YEATS4: variants seen among roughly 807,000 people sequenced by gnomAD.
The protein encoded by YEATS4 is YEATS domain-containing protein 4.
In YEATS4, 17 loss-of-function variants were observed where a neutral mutation model predicts 30.1. The ratio of observed to expected loss-of-function variants is 0.56; its 90% CI spans 0.39 to 0.85. The LOEUF (loss-of-function observed/expected upper bound fraction) is 0.85. Ranked by LOEUF, YEATS4 falls within the 40% of genes least tolerant of loss-of-function variation. YEATS4 has a pLI of 0.00. For missense variants in YEATS4, 142 were observed against 268.3 expected (o/e 0.53, Z 3.29); for synonymous variants, 85 against 87.5 (o/e 0.97, Z 0.16).
At chr12:69,363,664 A>G (rs906010145) in intron 2 of YEATS4, among the ~76,000 whole-genome samples, 2 of 152,236 alleles carry the variant, frequency 1.3e-5, no homozygotes, top group African/African-American at 2.4e-5. Flanking sequence ...CATAGCCAGT[A>G]CATAGTAGGC....
intron 4 of YEATS4, among the ~76,000 whole-genome samples, chr12:69,367,741 A>G (rs1403332766): frequency 6.6e-6 from 1 of 152,222 alleles, no homozygotes; most frequent in Non-Finnish European, 1.5e-5. Context: ...AAAATGAGAC[A>G]CTGACCTTAA....
intron 2 of YEATS4, among the ~76,000 whole-genome samples, chr12:69,365,169 G>A (rs1436993125): frequency 6.6e-6 from 1 of 151,884 alleles, no homozygotes; most frequent in Admixed American, 6.6e-5. Flanking sequence ...AGCAAAATAG[G>A]CCAGGTGCGG....
At chr12:69,360,237 G>A (rs634514) in intron 1 of YEATS4, among the ~76,000 whole-genome samples, 9,507 of 152,096 alleles carry the variant, frequency 0.063, 443 homozygotes, top group African/African-American at 0.13. Context: ...TCCCACCCCC[G>A]CCAAAAAACA....
rs532530786 is a variant in YEATS4, at chr12:69,359,893, G to C, written c.-80G>C. On this transcript the variant is annotated 5_prime_UTR_variant, in exon 1 of 7. Coordinates refer to ENST00000247843, the MANE Select transcript of YEATS4 (RefSeq NM_006530.4). ...CTCCGCCTGGGCCCGCGCGACAGGA[G>C]CGCGGTCTCTGAGGGGAGCGGCGAC... The C allele has an allele frequency of 8.3e-6, 13 of 1,571,312 alleles. No individual in the cohort carries two copies. Among genetic ancestry groups the C allele is most frequent in the Non-Finnish European group, 1.1e-5 (13 of 1,148,390 alleles).
rs1217569607 is a variant in YEATS4, at chr12:69,365,689, T to C, written c.228T>C (p.Asn76=). ...IQFKLHESYG[N]PLRVVTKPPY... Reference sequence around the variant, plus strand: ...TTAAATTACATGAAAGCTATGGCAATCCTTTAAGAGGTACAATATAGTCTT... The same window carrying C: ...TTAAATTACATGAAAGCTATGGCAACCCTTTAAGAGGTACAATATAGTCTT... Residue 76 remains asparagine, a synonymous_variant, in exon 3 of 7, where the codon AAT becomes AAC. Transcript: ENST00000247843. 9 of 1,611,968 alleles carry C rather than the reference T, an allele frequency of 5.6e-6. No individual in the cohort carries two copies. Among genetic ancestry groups the C allele is most frequent in the Non-Finnish European group, 7.6e-6 (9 of 1,178,556 alleles).
In YEATS4 at chr12:69,382,969, A is replaced by C. The variant is rs117669487; in HGVS notation, c.515-7178A>C. On this transcript the variant is annotated intron_variant, in intron 6 of 6. Transcript: ENST00000247843. Reference sequence around the variant, plus strand: ...AACAGGTTTTTGCAATTCAGAGTACAGCTTTGGCGGCCAGGTGTGATGGCT... The same window carrying C: ...AACAGGTTTTTGCAATTCAGAGTACCGCTTTGGCGGCCAGGTGTGATGGCT... Among the ~76,000 whole-genome samples the C allele has an allele frequency of 5.0e-3, 767 of 152,322 alleles. 21 individuals are homozygous for C. The highest frequency in any genetic ancestry group is 0.044 in the Admixed American group (678 of 15,294).
intron 6 of YEATS4, among the ~76,000 whole-genome samples, chr12:69,387,144 A>G (rs1565682540): frequency 6.6e-6 from 1 of 152,250 alleles, no homozygotes; most frequent in Non-Finnish European, 1.5e-5. Context: ...TTACAAATCA[A>G]TAAGAAAGGC....
intron 6 of YEATS4, among the ~76,000 whole-genome samples, chr12:69,388,661 C>G (rs1868281197): frequency 6.6e-6 from 1 of 152,224 alleles, no homozygotes; most frequent in Non-Finnish European, 1.5e-5. Context: ...TCCTGTTTTG[C>G]AGTAACATTT....
chr12:69,413,716 A>G, the YEATS4 span, among the ~76,000 whole-genome samples: 2 of 151,850 alleles, frequency 1.3e-5, no homozygotes, highest in Admixed American at 1.3e-4. Flanking sequence ...GCCAGGCATG[A>G]TGGTGCACGC....
chr12:69,401,043 C>T, the YEATS4 span: 1 of 152,024 alleles, frequency 6.6e-6, no homozygotes, highest in East Asian at 1.9e-4. Flanking sequence ...ATGTGGTGAC[C>T]TCCGGGAGCA....
chr12:69,363,740 A>G (rs1875324216), intron 2 of YEATS4, among the ~76,000 whole-genome samples: 1 of 152,230 alleles, frequency 6.6e-6, no homozygotes, highest in Non-Finnish European at 1.5e-5. Flanking sequence ...AGTCTACCCA[A>G]AAACTTGCAT....
chr12:69,417,744 C>T, the YEATS4 span, among the ~76,000 whole-genome samples: 4 of 151,746 alleles, frequency 2.6e-5, no homozygotes, highest in African/African-American at 9.7e-5. Context: ...CAACAGCAGC[C>T]GCTTGTTACT....
chr12:69,403,576 CAAAAAAA>C, the YEATS4 span, among the ~76,000 whole-genome samples: 2 of 87,128 alleles, frequency 2.3e-5, no homozygotes, highest in African/African-American at 8.3e-5. Flanking sequence ...GACTCTGTCT[CAAAAAAA>C]AAAAAAAAGA....
Position 69,359,978 on chromosome 12 carries a change from C to T in YEATS4, c.6C>T (p.Phe2=). M[F]KRMAEFGPDS... ...GGCTTCTTCCGTGGGACAATATGTTCAAGAGAATGGCCGAATTTGGGCCTG... is the reference window on the plus strand; with the variant it reads ...GGCTTCTTCCGTGGGACAATATGTTTAAGAGAATGGCCGAATTTGGGCCTG... Residue 2 remains phenylalanine, a synonymous_variant, in exon 1 of 7, where the codon TTC becomes TTT. Transcript: ENST00000247843. The T allele has an allele frequency of 6.2e-7, 1 of 1,613,498 alleles. No individual in the cohort carries two copies. Among genetic ancestry groups the T allele is most frequent in the Non-Finnish European group, 8.5e-7 (1 of 1,179,696 alleles).
At position 69,373,629 on chromosome 12, in the gene YEATS4, T is replaced by A. The variant is rs1875731170; in HGVS notation, c.514+2654T>A. Among the ~76,000 whole-genome samples, 3 of 152,224 alleles carry A rather than the reference T, an allele frequency of 2.0e-5. No individual in the cohort carries two copies. In the South Asian group the frequency reaches 6.2e-4, roughly 32 times the overall value. On this transcript the variant is annotated intron_variant, in intron 6 of 6. Transcript: ENST00000247843. ...GTGGTACAGAAGTTTTTTAACTTGA[T>A]GTGATCCCGTTAATCCATTTTTGCC... is the stretch of plus-strand genomic sequence containing the variant.
chr12:69,404,983 G>A, the YEATS4 span, among the ~76,000 whole-genome samples: 1 of 152,244 alleles, frequency 6.6e-6, no homozygotes, highest in Non-Finnish European at 1.5e-5. Context: ...TATAGAGAGA[G>A]AATGAAGTTG....
intron 1 of YEATS4, among the ~76,000 whole-genome samples, chr12:69,361,162 C>T (rs1875186813): frequency 6.6e-6 from 1 of 151,868 alleles, no homozygotes; most frequent in Admixed American, 6.6e-5. Context: ...CGTGCCACTG[C>T]ACTCTAGCCT....
chr12:69,381,526 G>T (rs1211321670), intron 6 of YEATS4, among the ~76,000 whole-genome samples: 1 of 152,188 alleles, frequency 6.6e-6, no homozygotes, highest in Non-Finnish European at 1.5e-5. Flanking sequence ...AGCTTACAAA[G>T]ATGACGGGAT....
At chr12:69,396,297 C>T in the YEATS4 span, among the ~76,000 whole-genome samples, 1 of 152,164 alleles carries the variant, frequency 6.6e-6, no homozygotes, top group South Asian at 2.1e-4. Flanking sequence ...ACTTAATTCC[C>T]TCATTTGATA....
Sources: allele counts gnomAD v4.1 joint callset (sites outside exome capture counted in the v4.1 genomes callset), GRCh38; gene constraint gnomAD v4.1.1; transcripts MANE v1.5; gene names NCBI Gene and HGNC (gene_info 2026-07-23, HGNC 2026-07-21).